RIMS1: variants seen among roughly 807,000 people sequenced by gnomAD.
RIMS1 encodes regulating synaptic membrane exocytosis protein 1.
Under a neutral mutation model 214.1 loss-of-function variants are expected in RIMS1, and 83 were observed. The ratio of observed to expected loss-of-function variants is 0.39; its 90% CI spans 0.32 to 0.47. The LOEUF (loss-of-function observed/expected upper bound fraction) is 0.47. RIMS1 is among the 20% of genes least tolerant of loss of function. RIMS1 has a pLI of 0.99. For missense variants in RIMS1, 2,050 were observed against 2,161.8 expected, an observed-to-expected ratio of 0.95 and a Z score of 1.03; for synonymous variants, 793 against 786.8, an observed-to-expected ratio of 1.01 and a Z score of -0.13.
intron 4 of RIMS1, among the ~76,000 whole-genome samples, chr6:72,118,343 G>T (rs1460242528): frequency 6.7e-6 from 1 of 150,370 alleles, no homozygotes. Flanking sequence ...AAAAAAAATT[G>T]CCAGTAAGTA....
intron 1 of RIMS1, among the ~76,000 whole-genome samples, chr6:71,936,740 T>C (rs998230663): frequency 1.1e-4 from 16 of 152,236 alleles, no homozygotes; most frequent in Admixed American, 4.6e-4. Flanking sequence ...TTCTGGTGAC[T>C]ACTCTTTATC....
intron 24 of RIMS1, among the ~76,000 whole-genome samples, chr6:72,284,970 TGA>T (rs748980902): frequency 7.2e-5 from 11 of 152,170 alleles, no homozygotes; most frequent in Non-Finnish European, 1.2e-4. Context: ...TGGAGTATTC[TGA>T]GAGGGGACAA....
At chr6:72,011,705 T>G (rs1810674249) in intron 2 of RIMS1, among the ~76,000 whole-genome samples, 1 of 152,216 alleles carries the variant, frequency 6.6e-6, no homozygotes. Context: ...AAGACATTTA[T>G]GCAGCCAAAA....
intron 1 of RIMS1, among the ~76,000 whole-genome samples, chr6:71,914,678 C>T (rs779865254): frequency 2.6e-5 from 4 of 152,096 alleles, no homozygotes; most frequent in Non-Finnish European, 5.9e-5. Context: ...ACCACCGAAT[C>T]GAGAAATCAT....
chr6:71,966,712 G>C (rs1794544764), intron 1 of RIMS1, among the ~76,000 whole-genome samples: 1 of 152,024 alleles, frequency 6.6e-6, no homozygotes, highest in Non-Finnish European at 1.5e-5. Context: ...TAGTAGAGAT[G>C]GGGTTTCACC....
At chr6:72,329,165 T>C (rs984644776) in intron 28 of RIMS1, among the ~76,000 whole-genome samples, 1 of 151,892 alleles carries the variant, frequency 6.6e-6, no homozygotes, top group Non-Finnish European at 1.5e-5. Flanking sequence ...ATAGAGCCCA[T>C]GAAATGCCCT....
chr6:72,150,358 C>T (rs189778079), intron 4 of RIMS1, among the ~76,000 whole-genome samples: 8 of 152,238 alleles, frequency 5.3e-5, no homozygotes, highest in Middle Eastern at 6.8e-3. Context: ...GTGGATTTGA[C>T]TTGTATTTTG....
At chr6:72,221,926 T>A (rs1397128318) in intron 6 of RIMS1, among the ~76,000 whole-genome samples, 1 of 152,026 alleles carries the variant, frequency 6.6e-6, no homozygotes, top group Admixed American at 6.5e-5. Flanking sequence ...GATTTTATAT[T>A]GTTAAGATTG....
chr6:72,070,123 A>G (rs1830251229), intron 2 of RIMS1, among the ~76,000 whole-genome samples: 1 of 152,200 alleles, frequency 6.6e-6, no homozygotes, highest in Non-Finnish European at 1.5e-5. Context: ...CAAATATTCT[A>G]TATGCTAGGC....
At chr6:72,124,432 A>T (rs1193620456) in intron 4 of RIMS1, among the ~76,000 whole-genome samples, 1 of 151,786 alleles carries the variant, frequency 6.6e-6, no homozygotes, top group Non-Finnish European at 1.5e-5. Context: ...AACCTTGGTG[A>T]ATCTGACAAT....
chr6:72,342,472 G>A (rs2097126086), intron 29 of RIMS1, among the ~76,000 whole-genome samples: 1 of 151,756 alleles, frequency 6.6e-6, no homozygotes, highest in Non-Finnish European at 1.5e-5. Context: ...ATGGATAAAT[G>A]GAGGTAACTC....
chr6:72,108,170 C>T (rs760575823), intron 4 of RIMS1, among the ~76,000 whole-genome samples: 3 of 152,138 alleles, frequency 2.0e-5, no homozygotes, highest in Non-Finnish European at 4.4e-5. Flanking sequence ...GTGAAGTCTC[C>T]TGTAGCTGGG....
intron 6 of RIMS1, among the ~76,000 whole-genome samples, chr6:72,209,734 T>C (rs1054316608): frequency 6.6e-6 from 1 of 151,968 alleles, no homozygotes; most frequent in Non-Finnish European, 1.5e-5. Flanking sequence ...ACCCTGTCTC[T>C]ACTAAAAATA....
chr6:72,179,906 C>T lies in RIMS1; in HGVS notation c.803C>T (p.Pro268Leu). ...TCATCCAGGTCTAGAAGTGAACCTC[C>T]TAGAGAGAGGTAATAGTTCTTTCAC... ...QASSRSRSEP[P>L]RERKKTPGLS... The change falls in exon 5 of 34, where the codon CCT becomes CTT. Residue 268 changes from proline (P) to leucine (L), a missense_variant. This residue lies in a region of RIMS1 where 882 missense variants were observed against 828.9 expected (regional missense o/e 1.06). Coordinates refer to ENST00000521978, the MANE Select transcript of RIMS1 (RefSeq NM_014989.7). 6.7e-7 allele frequency: 1 copy of T among 1,494,944 alleles called. No individual in the cohort carries two copies. 92.6% of individuals were successfully genotyped at this position (1,494,944 alleles called of 1,614,324 possible).
chr6:71,921,144 T>G (rs1779853129), intron 1 of RIMS1, among the ~76,000 whole-genome samples: 1 of 152,114 alleles, frequency 6.6e-6, no homozygotes, highest in Non-Finnish European at 1.5e-5. Flanking sequence ...TATTTTATTT[T>G]TTGAGACAGA....
Position 71,960,893 on chromosome 6 carries a change from GA to G in RIMS1, c.165-8081del, listed in dbSNP as rs1207075048. Among the ~76,000 whole-genome samples the G allele has an allele frequency of 6.0e-5, 9 of 150,860 alleles. No homozygotes were observed. In the East Asian group the frequency reaches 9.8e-4, roughly 16 times the overall value. On this transcript the variant is annotated intron_variant, in intron 1 of 33. Transcript: ENST00000521978. ...AGAAGCTGGGTACTCAAGAAGAAGT[GA>G]AAAAAAAATTTTTTTTTTGCACCCA...
intron 26 of RIMS1, among the ~76,000 whole-genome samples, chr6:72,297,017 G>A (rs1468496797): frequency 2.6e-5 from 4 of 151,402 alleles, no homozygotes; most frequent in Non-Finnish European, 5.9e-5. Flanking sequence ...ATGTATCTCG[G>A]TATTACAAAG....
intron 1 of RIMS1, among the ~76,000 whole-genome samples, chr6:71,903,608 A>G (rs1191564307): frequency 6.6e-6 from 1 of 152,160 alleles, no homozygotes; most frequent in African/African-American, 2.4e-5. Flanking sequence ...TATCAATCTG[A>G]CAAAGGTCTA....
Position 72,401,009 on chromosome 6 carries a change from G to GCACA in RIMS1, c.*307_*310dup. On this transcript the variant is annotated 3_prime_UTR_variant, in exon 34 of 34. Coordinates refer to ENST00000521978, the MANE Select transcript of RIMS1 (RefSeq NM_014989.7). ...CACGCATACACGTACACACACACAT[G>GCACA]CACACACACACACACCAAATTGAAC... is the stretch of plus-strand genomic sequence containing the variant. 1 of 304,514 alleles carries GCACA rather than the reference G, an allele frequency of 3.3e-6. No homozygotes were observed. Among genetic ancestry groups the GCACA allele is most frequent in the Non-Finnish European group, 6.2e-6 (1 of 160,234 alleles). The allele number at this position is 304,514 out of a possible 1,614,324, so 18.9% of individuals were successfully genotyped here.
Sources: gnomAD v4.1 joint callset for allele counts (sites outside exome capture counted in the v4.1 genomes callset) on GRCh38, gnomAD v4.1.1 for gene constraint, gnomAD v4.1.1 regional missense constraint, MANE v1.5 for transcripts, NCBI Gene and HGNC (gene_info 2026-07-23, HGNC 2026-07-21) for gene names.